Variants in GPR63 observed in about 807,000 individuals in gnomAD.
GPR63 encodes G protein-coupled receptor 63, also known as probable G protein-coupled receptor 63.
Under a neutral mutation model 23.1 loss-of-function variants are expected in GPR63, and 12 were observed. The ratio of observed to expected loss-of-function variants is 0.52; its 90% CI spans 0.33 to 0.84. GPR63 has a LOEUF of 0.84. GPR63 is among the 40% of genes least tolerant of loss of function. GPR63 has a pLI of 0.02. For missense variants in GPR63, 472 were observed against 515.6 expected, an observed-to-expected ratio of 0.92 and a Z score of 0.82; for synonymous variants, 172 against 191.1, an observed-to-expected ratio of 0.90 and a Z score of 0.82.
intron 1 of GPR63, among the ~76,000 whole-genome samples, chr6:96,829,921 C>T (rs745950137): frequency 5.9e-5 from 9 of 152,078 alleles, no homozygotes; most frequent in Non-Finnish European, 1.2e-4. Context: ...CAACTTTCGG[C>T]TTTGCTGATC....
intron 1 of GPR63, among the ~76,000 whole-genome samples, chr6:96,833,834 G>A (rs1040717636): frequency 4.5e-4 from 65 of 143,026 alleles, no homozygotes; most frequent in Non-Finnish European, 7.6e-4. Flanking sequence ...TTTCTAAATT[G>A]TATCTGGGAA....
chr6:96,822,379 G>C (rs966394849), intron 1 of GPR63, among the ~76,000 whole-genome samples: 2 of 152,090 alleles, frequency 1.3e-5, no homozygotes, highest in Admixed American at 6.6e-5. Context: ...CGAAAAAAAG[G>C]TTCTAAAGGT....
At chr6:96,814,771 C>T (rs1774121839) in intron 1 of GPR63, among the ~76,000 whole-genome samples, 1 of 152,122 alleles carries the variant, frequency 6.6e-6, no homozygotes, top group South Asian at 2.1e-4. Context: ...CTGCAGAACA[C>T]CATTCCCTGA....
chr6:96,799,241 A>C lies in GPR63; in HGVS notation c.491T>G (p.Phe164Cys). ...CRVSAMFFWLFVIEGVAILLI... is the reference protein window; with the variant it reads ...CRVSAMFFWLCVIEGVAILLI... Reference sequence around the variant, plus strand: ...CAGGATGGCTACTCCTTCTATCACAAATAACCAGAAAAACATAGCAGATAC... The same window carrying C: ...CAGGATGGCTACTCCTTCTATCACACATAACCAGAAAAACATAGCAGATAC... The change falls in exon 2 of 2, where the codon TTT becomes TGT. Residue 164 changes from phenylalanine to cysteine, a missense_variant. Phe to Cys is a radical substitution (Grantham distance 205). Coordinates refer to ENST00000229955, the MANE Select transcript of GPR63 (RefSeq NM_030784.4). 7 of 1,614,184 alleles carry C rather than the reference A, an allele frequency of 4.3e-6. No individual in the cohort carries two copies. Among genetic ancestry groups the C allele is most frequent in the Non-Finnish European group, 5.9e-6 (7 of 1,180,038 alleles).
rs11963491 is a variant in GPR63, at chr6:96,805,384, T to C, written c.-150-5503A>G. Reference sequence around the variant, plus strand: ...GGGGAGGACAGCATCAAGGCATTCATGAGGGATCCACCCCATGACTCAAAT... The same window carrying C: ...GGGGAGGACAGCATCAAGGCATTCACGAGGGATCCACCCCATGACTCAAAT... On this transcript the variant is annotated intron_variant, in intron 1 of 1. Transcript: ENST00000229955. Among the ~76,000 whole-genome samples, 1,101 of 152,220 alleles carry C rather than the reference T, an allele frequency of 7.2e-3. 16 individuals carry two copies. Among genetic ancestry groups the C allele is most frequent in the African/African-American group, 0.025 (1,025 of 41,520 alleles).
chr6:96,800,158 G>T (rs1773725438), intron 1 of GPR63, among the ~76,000 whole-genome samples: 1 of 152,094 alleles, frequency 6.6e-6, no homozygotes, highest in African/African-American at 2.4e-5. Context: ...TAATCTTACT[G>T]TTAATTTTTA....
At chr6:96,812,002 T>C (rs1022230066) in intron 1 of GPR63, among the ~76,000 whole-genome samples, 1 of 152,092 alleles carries the variant, frequency 6.6e-6, no homozygotes, top group Non-Finnish European at 1.5e-5. Flanking sequence ...AATTCTCTTA[T>C]TCTCTGGTTT....
chr6:96,815,953 C>T (rs1416213156), intron 1 of GPR63, among the ~76,000 whole-genome samples: 1 of 152,110 alleles, frequency 6.6e-6, no homozygotes, highest in Non-Finnish European at 1.5e-5. Context: ...ACCTGTACCA[C>T]ATACCAGATA....
intron 1 of GPR63, among the ~76,000 whole-genome samples, chr6:96,818,722 C>G (rs1774225027): frequency 6.6e-6 from 1 of 152,018 alleles, no homozygotes; most frequent in African/African-American, 2.4e-5. Context: ...AATATTAACA[C>G]ACATCAGGGT....
intron 1 of GPR63, among the ~76,000 whole-genome samples, chr6:96,814,900 G>C (rs894985271): frequency 6.6e-6 from 1 of 152,122 alleles, no homozygotes; most frequent in Non-Finnish European, 1.5e-5. Context: ...ACAATTAATA[G>C]AGCCAAAATG....
intron 1 of GPR63, among the ~76,000 whole-genome samples, chr6:96,820,116 T>G (rs1452089211): frequency 6.6e-6 from 1 of 151,258 alleles, no homozygotes; most frequent in East Asian, 1.9e-4. Context: ...GAAAATAAAA[T>G]CTTCTTGAAC....
chr6:96,817,249 A>C (rs2127953805), intron 1 of GPR63, among the ~76,000 whole-genome samples: 1 of 152,352 alleles, frequency 6.6e-6, no homozygotes, highest in Admixed American at 6.5e-5. Context: ...AACAAAATCC[A>C]CAACATATGT....
intron 1 of GPR63, among the ~76,000 whole-genome samples, chr6:96,810,313 T>C (rs1227671504): frequency 6.6e-6 from 1 of 152,044 alleles, no homozygotes; most frequent in Non-Finnish European, 1.5e-5. Context: ...CTGGCCAACA[T>C]GGTGAAACTC....
chr6:96,798,818 T>C lies in GPR63; in HGVS notation c.914A>G (p.Asp305Gly), dbSNP rs1773668468. ...SLQRPFQMSI[D>G]MGFKTRAFTT... The stretch of plus-strand genomic sequence containing the variant: ...GAAGGCACGTGTTTTAAAGCCCATG[T>C]CAATGCTCATCTGGAAAGGTCTCTG... Residue 305 changes from aspartate (D) to glycine (G), a missense_variant, in exon 2 of 2, where the codon GAC becomes GGC. By Grantham distance (94) the Asp-to-Gly change is moderately conservative (BLOSUM62 -1). Transcript: ENST00000229955. The C allele has an allele frequency of 6.2e-7, 1 of 1,614,072 alleles. No homozygotes were observed. Among genetic ancestry groups the C allele is most frequent in the South Asian group, 1.1e-5 (1 of 91,092 alleles).
intron 1 of GPR63, among the ~76,000 whole-genome samples, chr6:96,827,889 A>G (rs771882864): frequency 6.6e-6 from 1 of 152,150 alleles, no homozygotes; most frequent in South Asian, 2.1e-4. Context: ...CAGGCAAAAA[A>G]GAAATGATCC....
Position 96,797,963 on chromosome 6 carries a change from T to C in GPR63, c.*509A>G, listed in dbSNP as rs1288853715. 6.5e-6 allele frequency: 1 copy of C among 153,110 alleles called. No individual in the cohort carries two copies. The highest frequency in any genetic ancestry group is 1.5e-5 in the Non-Finnish European group (1 of 68,660). 9.5% of individuals were successfully genotyped at this position (153,110 alleles called of 1,614,324 possible). A position where few individuals can be genotyped will look rare whatever the true frequency, so the allele number is the denominator to read the frequency against. ...CATTATCTCTTAAAGTGCACCAAAG[T>C]AAATAGTAATGACCCTTAAAATGTC... is the stretch of plus-strand genomic sequence containing the variant. On this transcript the variant is annotated 3_prime_UTR_variant, in exon 2 of 2. Transcript: ENST00000229955.
chr6:96,812,981 CCT>C (rs1329322113), intron 1 of GPR63, among the ~76,000 whole-genome samples: 1 of 152,092 alleles, frequency 6.6e-6, no homozygotes, highest in Non-Finnish European at 1.5e-5. Flanking sequence ...CATTAAACAA[CCT>C]CTCTTCATCC....
chr6:96,809,818 C>A (rs1773994891), intron 1 of GPR63, among the ~76,000 whole-genome samples: 1 of 152,208 alleles, frequency 6.6e-6, no homozygotes, highest in Non-Finnish European at 1.5e-5. Flanking sequence ...AGTCAGTGAA[C>A]TTTCCTGACT....
At position 96,799,431 on chromosome 6, in the gene GPR63, C is replaced by T. The variant is rs749971919; in HGVS notation, c.301G>A (p.Val101Ile). 3.7e-6 allele frequency: 6 copies of T among 1,614,078 alleles called. No individual in the cohort carries two copies. In the South Asian group the frequency reaches 5.5e-5, roughly 15 times the overall value. Residue 101 changes from valine to isoleucine, a missense_variant, in exon 2 of 2, where the codon GTT becomes ATT. Transcript: ENST00000229955. Reference protein sequence around the residue: ...ILFVSFLGNLVVCLMVYQKAA... With the variant: ...ILFVSFLGNLIVCLMVYQKAA... ...TTTTGGTAAACCATGAGGCAAACAA[C>T]CAAGTTCCCAAGAAAAGACACAAAC... is the stretch of plus-strand genomic sequence containing the variant.
Sources: allele counts gnomAD v4.1 joint callset (sites outside exome capture counted in the v4.1 genomes callset), GRCh38; gene constraint gnomAD v4.1.1; transcripts MANE v1.5; gene names NCBI Gene and HGNC (gene_info 2026-07-23, HGNC 2026-07-21).